PDE1A: variants seen among roughly 807,000 people sequenced by gnomAD.
PDE1A encodes phosphodiesterase 1A.
PDE1A carries 35 observed loss-of-function variants against 61.7 expected under a neutral mutation model. The ratio of observed to expected loss-of-function variants is 0.57; its 90% confidence interval spans 0.43 to 0.75. The LOEUF is 0.75. Ranked by LOEUF, PDE1A falls within the 30% of genes least tolerant of loss-of-function variation. The pLI is 0.00. For missense variants in PDE1A, 597 were observed against 630.6 expected (o/e 0.95, Z 0.57); for synonymous variants, 232 against 213.2 (o/e 1.09, Z -0.77).
intron 2 of PDE1A, among the ~76,000 whole-genome samples, chr2:182,259,118 G>A (rs1183861810): frequency 6.6e-6 from 1 of 152,160 alleles, no homozygotes; most frequent in African/African-American, 2.4e-5. Flanking sequence ...TACCCTAAAT[G>A]ACGCTCAATT....
At chr2:182,548,840 C>T in the PDE1A span, among the ~76,000 whole-genome samples, 1 of 152,170 alleles carries the variant, frequency 6.6e-6, no homozygotes, top group East Asian at 1.9e-4. Context: ...CAAAAACTAA[C>T]CACTGCATGT....
At chr2:182,346,404 T>C (rs1254087054) in intron 1 of PDE1A, among the ~76,000 whole-genome samples, 4 of 152,174 alleles carry the variant, frequency 2.6e-5, no homozygotes, top group Admixed American at 6.6e-5. Context: ...TGTTTTCTTA[T>C]GGATACCAGA....
At chr2:182,499,180 T>TG (rs1688930621) in intron 2 of PDE1A, among the ~76,000 whole-genome samples, 2 of 118,698 alleles carry the variant, frequency 1.7e-5, no homozygotes, top group African/African-American at 7.2e-5. Flanking sequence ...CTTGTTTTTT[T>TG]TTTTTTTTTT....
At chr2:182,657,818 T>C in the PDE1A span, among the ~76,000 whole-genome samples, 1 of 152,150 alleles carries the variant, frequency 6.6e-6, no homozygotes, top group African/African-American at 2.4e-5. Context: ...TAAGTTTAGC[T>C]GTCCCTTTGT....
chr2:182,701,629 G>A, the PDE1A span, among the ~76,000 whole-genome samples: 33 of 151,984 alleles, frequency 2.2e-4, no homozygotes, highest in Non-Finnish European at 3.7e-4. Context: ...TGATCCACCC[G>A]CCTCGGCCTC....
chr2:182,307,709 A>T (rs1695680514), intron 1 of PDE1A, among the ~76,000 whole-genome samples: 1 of 151,920 alleles, frequency 6.6e-6, no homozygotes, highest in Non-Finnish European at 1.5e-5. Flanking sequence ...TCCCATCTCT[A>T]CCAAAAAAAA....
chr2:182,146,772 C>T (rs1377998960), downstream of PDE1A, among the ~76,000 whole-genome samples: 1 of 152,194 alleles, frequency 6.6e-6, no homozygotes, highest in Non-Finnish European at 1.5e-5. Context: ...GCATGAGCCA[C>T]TGTGCCCGGC....
chr2:182,490,981 A>AGGGGGGAAGGAAGCG lies in PDE1A; in HGVS notation c.101+31294_101+31295insCGCTTCCTTCCCCCC, dbSNP rs1688353385. Among the ~76,000 whole-genome samples, 2 of 152,192 alleles carry AGGGGGGAAGGAAGCG rather than the reference A, an allele frequency of 1.3e-5. 1 individual carries two copies. The highest frequency in any genetic ancestry group is 1.3e-4 in the Admixed American group (2 of 15,274). On this transcript the variant is annotated intron_variant, in intron 2 of 14. Coordinates refer to the PDE1A transcript ENST00000410103. Reference sequence around the variant, plus strand: ...AGTAGGAAGCAGGGGGGAAGGAAGCATCTGAGGTTTGAGGAGGCAGGAAAA... The same window carrying AGGGGGGAAGGAAGCG: ...AGTAGGAAGCAGGGGGGAAGGAAGCAGGGGGGAAGGAAGCGTCTGAGGTTTGAGGAGGCAGGAAAA...
intron 2 of PDE1A, among the ~76,000 whole-genome samples, chr2:182,246,401 C>CTTTTTTTTTTTTTTTTTTTTTTTTTT (rs761118177): frequency 1.6e-5 from 1 of 61,514 alleles, no homozygotes; most frequent in Non-Finnish European, 2.9e-5. Context: ...TTTCTTTTTT[C>CTTTTTTTTTTTTTTTTTTTTTTTTTT]TTTCTTTTTT....
chr2:182,565,904 C>T, the PDE1A span, among the ~76,000 whole-genome samples: 1 of 152,066 alleles, frequency 6.6e-6, no homozygotes, highest in Non-Finnish European at 1.5e-5. Context: ...GACCCATCAC[C>T]ATCACTACCC....
the PDE1A span, among the ~76,000 whole-genome samples, chr2:182,530,547 T>A: frequency 3.9e-5 from 6 of 152,184 alleles, no homozygotes; most frequent in Middle Eastern, 0.017. Context: ...AATTCTTACC[T>A]ATAGAGAAAA....
chr2:182,540,428 A>G, the PDE1A span, among the ~76,000 whole-genome samples: 17 of 151,146 alleles, frequency 1.1e-4, no homozygotes, highest in Non-Finnish European at 1.6e-4. Context: ...AAGTCAGAAG[A>G]GGTCATGAGC....
At chr2:182,534,501 C>T in the PDE1A span, among the ~76,000 whole-genome samples, 1 of 151,650 alleles carries the variant, frequency 6.6e-6, no homozygotes, top group Non-Finnish European at 1.5e-5. Context: ...TTTTTTCTTT[C>T]AAATTACTTA....
rs570244065 is a variant in PDE1A at position 182,229,995 on chromosome 2, G to C, written c.675+11C>G. The stretch of plus-strand genomic sequence containing the variant: ...CAAACTAACAAACCTCAGTTACAAA[G>C]ACTGTCTTACCATGATACCTGTATG... On this transcript the variant is annotated intron_variant, in intron 6 of 13. Transcript: ENST00000351439. The C allele has an allele frequency of 2.5e-6, 4 of 1,597,550 alleles. No individual in the cohort carries two copies. The African/African-American group carries it at 5.4e-5, about 21-fold the overall frequency.
the PDE1A span, among the ~76,000 whole-genome samples, chr2:182,594,391 C>T: frequency 2.0e-5 from 3 of 152,334 alleles, no homozygotes; most frequent in African/African-American, 4.8e-5. Context: ...TCTGTGCTGT[C>T]TCCTTTCTAG....
At chr2:182,240,225 C>T in exon 3 of PDE1A, 1 of 1,613,728 alleles carries the variant, frequency 6.2e-7, no homozygotes, top group Non-Finnish European at 8.5e-7. Flanking sequence ...GCCAACCAGT[C>T]CCGGACTTCA....
intron 1 of PDE1A, among the ~76,000 whole-genome samples, chr2:182,401,334 G>A (rs1701988245): frequency 6.6e-6 from 1 of 152,142 alleles, no homozygotes; most frequent in Admixed American, 6.5e-5. Flanking sequence ...CGATCAAGTT[G>A]GCTTCATCCC....
chr2:182,650,954 A>G, the PDE1A span, among the ~76,000 whole-genome samples: 1 of 152,288 alleles, frequency 6.6e-6, no homozygotes, highest in East Asian at 1.9e-4. Context: ...CAATAGGAGT[A>G]GAGTGCCCTC....
At chr2:182,492,677 G>A (rs1204925620) in intron 2 of PDE1A, among the ~76,000 whole-genome samples, 1 of 152,144 alleles carries the variant, frequency 6.6e-6, no homozygotes, top group Non-Finnish European at 1.5e-5. Context: ...TTCACTTAGA[G>A]AAGAATCAAC....
Sources: allele counts gnomAD v4.1 joint callset (sites outside exome capture counted in the v4.1 genomes callset), GRCh38; gene constraint gnomAD v4.1.1; transcripts MANE v1.5; gene names NCBI Gene and HGNC (gene_info 2026-07-23, HGNC 2026-07-21).